Variants in HSPG2 observed in about 807,000 individuals in gnomAD.
HSPG2 encodes heparan sulfate proteoglycan 2.
A neutral mutation model predicts 526.6 loss-of-function variants in HSPG2; 278 were observed. The observed-to-expected ratio is 0.53, with a 90% CI of 0.48 to 0.58. HSPG2 has a LOEUF of 0.58. HSPG2 is among the 20% of genes least tolerant of loss of function. HSPG2 has a pLI of 0.00. For synonymous variants in HSPG2, 2,465 were observed against 2,555.4 expected (o/e 0.96, Z 1.07); for missense variants, 5,354 against 6,099.5 (o/e 0.88, Z 4.07).
Position 21,834,865 on chromosome 1 carries a change from C to T in HSPG2, c.10534G>A (p.Ala3512Thr), listed in dbSNP as rs773981781. 1 of 1,613,976 alleles carries T rather than the reference C, an allele frequency of 6.2e-7. No homozygotes were observed. Among genetic ancestry groups the T allele is most frequent in the South Asian group, 1.1e-5 (1 of 91,082 alleles). ...VGHAVEFECL[A>T]LGDPKPQVTW... is the part of the protein sequence containing the mutation. Reference sequence around the variant, plus strand: ...ACCTGAGGCTTGGGGTCACCCAGTGCCAGGCATTCGAACTCCACGGCGTGG... The same window carrying T: ...ACCTGAGGCTTGGGGTCACCCAGTGTCAGGCATTCGAACTCCACGGCGTGG... Residue 3512 changes from alanine (A) to threonine (T), a missense_variant, in exon 77 of 97, where the codon GCA becomes ACA. Ala to Thr is a moderately conservative substitution (Grantham distance 58, BLOSUM62 0). Coordinates refer to ENST00000374695, the MANE Select transcript of HSPG2 (RefSeq NM_005529.7).
intron 3 of HSPG2, among the ~76,000 whole-genome samples, chr1:21,894,451 G>C (rs1642601562): frequency 6.6e-6 from 1 of 152,138 alleles, no homozygotes; most frequent in African/African-American, 2.4e-5. Flanking sequence ...CAGCTGCCTG[G>C]ACCTGCCCCA....
chr1:21,824,428 T>C lies in HSPG2; in HGVS notation c.12745-52A>G, dbSNP rs770796732. The C allele has an allele frequency of 2.5e-6, 4 of 1,606,922 alleles. No homozygotes were observed. The African/African-American group carries it at 5.3e-5, about 21-fold the overall frequency. On this transcript the variant is annotated intron_variant, in intron 93 of 96. Transcript: ENST00000374695. This position sits in a 1 kb window ranked among gnomAD's most constrained non-coding sequence, Gnocchi z 5.9. ...GGTCCCCAGCCTGGAGAGCAGAGGC[T>C]GCCGAGGCCAGGGGGCTCTGCTTTC...
chr1:21,880,916 A>G lies in HSPG2; in HGVS notation c.1819-81T>C. ...GCCTATGAGGTGCCTATAGTCTTCC[A>G]GCTCCTCCCTCACTCTGCCTACCTG... is the stretch of plus-strand genomic sequence containing the variant. On this transcript the variant is annotated intron_variant, in intron 14 of 96. Transcript: ENST00000374695. The G allele has an allele frequency of 2.2e-6, 3 of 1,355,094 alleles. No homozygotes were observed. In the South Asian group the frequency reaches 3.7e-5, roughly 17 times the overall value. The allele number at this position is 1,355,094 out of a possible 1,614,324, so 83.9% of individuals were successfully genotyped here.
At chr1:21,897,292 G>T (rs1198011957) in intron 1 of HSPG2, among the ~76,000 whole-genome samples, 2 of 152,230 alleles carry the variant, frequency 1.3e-5, no homozygotes. Context: ...ACTGGCAATG[G>T]CCTGGCATGA....
chr1:21,905,167 C>CA (rs1643304794), intron 1 of HSPG2, among the ~76,000 whole-genome samples: 2 of 120,782 alleles, frequency 1.7e-5, no homozygotes, highest in African/African-American at 8.8e-5. Flanking sequence ...CACCCACCAC[C>CA]CACCCACACA....
At chr1:21,838,767 T>G in intron 74 of HSPG2, 58 bp downstream of exon 74, 1 of 1,582,750 alleles carries the variant, frequency 6.3e-7, no homozygotes, top group Non-Finnish European at 8.6e-7. Context: ...CCTAGCTGGG[T>G]CATCAAAGGG....
In HSPG2 at chr1:21,888,074, T is replaced by A. The variant is rs770515481; in HGVS notation, c.575-8A>T. ...CTCTTGGGAACTGGGGCACTGCAGG[T>A]GGAAAGGAAGCAGACTGGAGTCAGA... On this transcript the variant is annotated splice_polypyrimidine_tract_variant and splice_region_variant and intron_variant, in intron 6 of 96. Coordinates refer to ENST00000374695, the MANE Select transcript of HSPG2 (RefSeq NM_005529.7). The A allele has an allele frequency of 4.3e-6, 7 of 1,613,168 alleles. No homozygotes were observed. The East Asian group carries it at 1.6e-4, about 36-fold the overall frequency.
chr1:21,872,813 C>T lies in HSPG2; in HGVS notation c.3889-53G>A, dbSNP rs1463443491. 3 of 1,588,180 alleles carry T rather than the reference C, an allele frequency of 1.9e-6. No homozygotes were observed. Among genetic ancestry groups the T allele is most frequent in the East Asian group, 2.3e-5 (1 of 43,848 alleles). ...CAGGGGACTCAGTGGGTCTCCTGCA[C>T]CCCCAGCAGCCTGAGGCCAGCCTCC... On this transcript the variant is annotated intron_variant, in intron 31 of 96. Transcript: ENST00000374695. This position sits in a 1 kb window ranked among gnomAD's most constrained non-coding sequence, Gnocchi z 5.5.
Position 21,848,961 on chromosome 1 carries a change from A to C in HSPG2, c.7517T>G (p.Val2506Gly). 1 of 1,613,804 alleles carries C rather than the reference A, an allele frequency of 6.2e-7. No homozygotes were observed. Among genetic ancestry groups the C allele is most frequent in the Non-Finnish European group, 8.5e-7 (1 of 1,179,984 alleles). ...ADSGEYVCRV[V>G]GSSGTQEASV... is the part of the protein sequence containing the mutation. ...GGCTTCCTGGGTACCTGAGCTGCCG[A>C]CCACACGGCACACGTACTCCCCTGA... Residue 2506 changes from valine (V) to glycine (G), a missense_variant, in exon 58 of 97, where the codon GTC becomes GGC. Val to Gly is a moderately radical substitution (Grantham distance 109, BLOSUM62 -3). Transcript: ENST00000374695. This position sits in a 1 kb window ranked among gnomAD's most constrained non-coding sequence, Gnocchi z 4.9.
intron 18 of HSPG2, 126 bp from the exon 19 acceptor site, chr1:21,878,789 C>T (rs971480374): frequency 6.8e-5 from 81 of 1,189,054 alleles, no homozygotes; most frequent in African/African-American, 6.7e-4. Context: ...TCTCCCTGCC[C>T]GGCAGCCTCA....
At chr1:21,936,818 C>A (rs936195837) in intron 1 of HSPG2, among the ~76,000 whole-genome samples, 1 of 152,204 alleles carries the variant, frequency 6.6e-6, no homozygotes, top group Non-Finnish European at 1.5e-5. Context: ...CCACCCTGCT[C>A]AAAGTTTCCC....
chr1:21,928,904 C>G (rs1179448201), intron 1 of HSPG2, among the ~76,000 whole-genome samples: 1 of 152,056 alleles, frequency 6.6e-6, no homozygotes, highest in Non-Finnish European at 1.5e-5. Flanking sequence ...GCATGTGCCA[C>G]CATGCTTAGC....
intron 1 of HSPG2, among the ~76,000 whole-genome samples, chr1:21,915,908 G>C (rs1643875478): frequency 6.6e-6 from 1 of 151,640 alleles, no homozygotes. Flanking sequence ...AAAATTAGCT[G>C]GGCGTGGTGG....
chr1:21,844,266 G>T lies in HSPG2; in HGVS notation c.8498C>A (p.Pro2833His). 1.2e-6 allele frequency: 2 copies of T among 1,613,600 alleles called. No individual in the cohort carries two copies. The highest frequency in any genetic ancestry group is 1.7e-5 in the Admixed American group (1 of 60,024). ...PGGAPPIRIE[P>H]SSSRVAEGQT... is the part of the protein sequence containing the mutation. ...CCCTTCTGCCACTCGGGAGGAGGAG[G>T]GCTCGATGCGGATGGGTGGGGCTCC... Residue 2833 changes from proline (P) to histidine (H), a missense_variant, in exon 65 of 97, where the codon CCC (proline) becomes CAC (histidine). By Grantham distance (77) the Pro-to-His change is moderately conservative. Coordinates refer to ENST00000374695, the MANE Select transcript of HSPG2 (RefSeq NM_005529.7).
Position 21,828,063 on chromosome 1 carries a change from G to A in HSPG2, c.12499C>T (p.Leu4167Phe), listed in dbSNP as rs1202805951. 8 of 1,613,480 alleles carry A rather than the reference G, an allele frequency of 5.0e-6. No individual in the cohort carries two copies. In the South Asian group the frequency reaches 7.7e-5, roughly 15 times the overall value. The change falls in exon 90 of 97, where the codon CTC becomes TTC. Residue 4167 changes from leucine to phenylalanine, a missense_variant. Leu to Phe is a conservative substitution (Grantham distance 22). Coordinates refer to ENST00000374695, the MANE Select transcript of HSPG2 (RefSeq NM_005529.7). The surrounding 1 kb of genome is among the most constrained non-coding windows in gnomAD (Gnocchi z 6.0). Reference protein sequence around the residue: ...GTCQGTRCLCLPGFSGPRCQQ... With the variant: ...GTCQGTRCLCFPGFSGPRCQQ... ...CAGCGTGGGCCAGAGAAGCCAGGGA[G>A]GCAGAGGCAGCGGGTGCCCTGGCAG...
Position 21,875,410 on chromosome 1 carries a change from A to G in HSPG2, c.3302+219T>C, listed in dbSNP as rs2445134. 0.53 allele frequency among the ~76,000 whole-genome samples: 80,165 copies of G among 151,862 alleles called. 23,615 individuals carry two copies. The highest frequency in any genetic ancestry group is 0.73 in the Middle Eastern group (215 of 294). ...CCCCTCCTGCGTCCCTCTCCTTGTG[A>G]ATCACATGCACCCCAATCCCCGTCT... On this transcript the variant is annotated intron_variant, in intron 25 of 96. Coordinates refer to ENST00000374695, the MANE Select transcript of HSPG2 (RefSeq NM_005529.7).
Position 21,836,902 on chromosome 1 carries a change from A to G in HSPG2, c.10255T>C (p.Phe3419Leu). ...ETKSIGASVEFHCAVPSDRGT... is the reference protein window; with the variant it reads ...ETKSIGASVELHCAVPSDRGT... ...CGGTCGCTGGGCACAGCACAGTGGA[A>G]CTCAACGCTGGCCCCAATGCTCTTG... is the stretch of plus-strand genomic sequence containing the variant. Residue 3419 changes from phenylalanine (F) to leucine (L), a missense_variant, in exon 75 of 97, where the codon TTC (phenylalanine) becomes CTC (leucine). Coordinates refer to ENST00000374695, the MANE Select transcript of HSPG2 (RefSeq NM_005529.7). The G allele has an allele frequency of 6.4e-7, 1 of 1,565,438 alleles. No homozygotes were observed. Among genetic ancestry groups the G allele is most frequent in the South Asian group, 1.2e-5 (1 of 84,940 alleles).
intron 33 of HSPG2, among the ~76,000 whole-genome samples, chr1:21,869,845 C>T (rs1046002421): frequency 2.6e-5 from 4 of 152,314 alleles, no homozygotes; most frequent in Non-Finnish European, 5.9e-5. Context: ...CTGAGCTAGG[C>T]GGGGATATCC....
At position 21,874,915 on chromosome 1, in the gene HSPG2, G is replaced by A. The variant is rs749126227; in HGVS notation, c.3390C>T (p.Pro1130=). Residue 1130 remains proline (P), a synonymous_variant, in exon 26 of 97, where the codon CCC becomes CCT. Transcript: ENST00000374695. Reference sequence around the variant, plus strand: ...CCTGGCAGGACGGCCCACGGTACCCGGGTGGGCAGGAGCACTGTTCCACTT... The same window carrying A: ...CCTGGCAGGACGGCCCACGGTACCCAGGTGGGCAGGAGCACTGTTCCACTT... ...ALEVEQCSCP[P]GYRGPSCQDC... The A allele has an allele frequency of 7.4e-6, 12 of 1,612,502 alleles. No homozygotes were observed. The highest frequency in any genetic ancestry group is 2.2e-5 in the East Asian group (1 of 44,834).
Sources: gnomAD v4.1 joint callset for allele counts (sites outside exome capture counted in the v4.1 genomes callset) on GRCh38, gnomAD v4.1.1 for gene constraint, Gnocchi (gnomAD v3.1) non-coding constraint, MANE v1.5 for transcripts, NCBI Gene and HGNC (gene_info 2026-07-23, HGNC 2026-07-21) for gene names.